PCDH11X: variants seen among roughly 807,000 people sequenced by gnomAD.
The protein encoded by PCDH11X is protocadherin-11 X-linked.
Under a neutral mutation model 53.3 loss-of-function variants are expected in PCDH11X, and 18 were observed. The ratio of observed to expected loss-of-function variants is 0.34; its 90% CI spans 0.23 to 0.50. PCDH11X has a LOEUF of 0.50. PCDH11X is among the 20% of genes least tolerant of loss of function. The pLI, the probability that PCDH11X is intolerant of heterozygous loss-of-function variation, is 0.98. For synonymous variants in PCDH11X, 279 were observed against 393.3 expected, an observed-to-expected ratio of 0.71 and a Z score of 3.44; for missense variants, 570 against 1,032.4, an observed-to-expected ratio of 0.55 and a Z score of 6.14.
intron 10 of PCDH11X, among the ~76,000 whole-genome samples, chrX:92,472,032 A>G (rs1186672774): frequency 1.8e-5 from 2 of 110,777 alleles, no homozygotes; most frequent in East Asian, 5.7e-4. Context: ...GAGTTTGCAA[A>G]AATTTTCTGT....
chrX:91,873,679 A>T (rs1310637935), intron 5 of PCDH11X, among the ~76,000 whole-genome samples: 1 of 111,558 alleles, frequency 9.0e-6, no homozygotes, highest in African/African-American at 3.2e-5. Flanking sequence ...ATAAACAAGA[A>T]ATGCACAAAC....
intron 6 of PCDH11X, among the ~76,000 whole-genome samples, chrX:92,180,475 G>C (rs1454184181): frequency 9.0e-6 from 1 of 111,221 alleles, no homozygotes; most frequent in African/African-American, 3.3e-5. Context: ...TCCTCAAACA[G>C]TTTATCTTCC....
chrX:91,998,559 G>GT (rs920919281), intron 6 of PCDH11X, among the ~76,000 whole-genome samples: 2 of 107,341 alleles, frequency 1.9e-5, no homozygotes, highest in African/African-American at 6.7e-5. Context: ...CATCTTTATT[G>GT]TTTTTTTATC....
intron 6 of PCDH11X, among the ~76,000 whole-genome samples, chrX:92,133,529 G>C (rs1177290342): frequency 9.0e-6 from 1 of 111,483 alleles, no homozygotes; most frequent in African/African-American, 3.3e-5. Flanking sequence ...ACCACGCCGG[G>C]CTAATTTTGT....
chrX:92,275,658 A>G (rs889956285), intron 8 of PCDH11X, among the ~76,000 whole-genome samples: 21 of 112,091 alleles, frequency 1.9e-4, no homozygotes, highest in Admixed American at 7.6e-4. Context: ...TTGATAAGGC[A>G]CAGATTCTGA....
At chrX:92,283,412 G>C (rs1603253672) in intron 8 of PCDH11X, among the ~76,000 whole-genome samples, 1 of 111,536 alleles carries the variant, frequency 9.0e-6, no homozygotes, top group South Asian at 3.7e-4. Context: ...AATTAAAGCA[G>C]AATGCACTGA....
At chrX:92,143,004 TG>T (rs1329488477) in intron 6 of PCDH11X, among the ~76,000 whole-genome samples, 2 of 111,148 alleles carry the variant, frequency 1.8e-5, no homozygotes, top group East Asian at 5.7e-4. Flanking sequence ...CAGCCAGGCA[TG>T]GTGGCTCACG....
intron 6 of PCDH11X, among the ~76,000 whole-genome samples, chrX:92,003,505 C>G (rs2062545886): frequency 9.4e-6 from 1 of 106,723 alleles, no homozygotes. Flanking sequence ...TCATGGGGTC[C>G]CAGGCTTTTT....
chrX:91,969,877 C>A (rs985727906), intron 6 of PCDH11X, among the ~76,000 whole-genome samples: 1 of 109,797 alleles, frequency 9.1e-6, no homozygotes, highest in Admixed American at 9.7e-5. Flanking sequence ...GTGGAGAGTG[C>A]GGCCTAGAAT....
intron 6 of PCDH11X, among the ~76,000 whole-genome samples, chrX:92,167,856 A>G (rs2065760057): frequency 9.0e-6 from 1 of 111,722 alleles, no homozygotes; most frequent in Non-Finnish European, 1.9e-5. Flanking sequence ...TACACATCCT[A>G]TGAGTCCTGA....
chrX:92,361,896 C>T (rs886562911), intron 8 of PCDH11X, among the ~76,000 whole-genome samples: 1 of 110,769 alleles, frequency 9.0e-6, no homozygotes, highest in Non-Finnish European at 1.9e-5. Flanking sequence ...TTCTTGTTAC[C>T]GTGTATAAGT....
intron 8 of PCDH11X, among the ~76,000 whole-genome samples, chrX:92,285,407 C>A (rs181582972): frequency 2.1e-4 from 23 of 109,548 alleles, no homozygotes; most frequent in African/African-American, 7.3e-4. Flanking sequence ...GCCCCCACCA[C>A]CATGCCCGGC....
chrX:91,822,023 C>T (rs761739628), intron 4 of PCDH11X, among the ~76,000 whole-genome samples: 3 of 105,775 alleles, frequency 2.8e-5, no homozygotes, highest in Middle Eastern at 4.9e-3. Flanking sequence ...AGGGATGAAG[C>T]CCACTTGATC....
At chrX:92,407,895 T>C (rs2071557737) in intron 9 of PCDH11X, among the ~76,000 whole-genome samples, 1 of 110,458 alleles carries the variant, frequency 9.1e-6, no homozygotes, top group South Asian at 3.9e-4. Flanking sequence ...TTTCTGTTTT[T>C]TGTTTTTTGA....
intron 9 of PCDH11X, among the ~76,000 whole-genome samples, chrX:92,412,509 GTATATATATA>G (rs748836273): frequency 0.13 from 8,302 of 64,301 alleles, 748 homozygotes; most frequent in African/African-American, 0.3. Flanking sequence ...AAAGAAAATA[GTATATATATA>G]TATATATATA....
chrX:92,222,296 A>C (rs2066896348), intron 7 of PCDH11X, among the ~76,000 whole-genome samples: 1 of 112,002 alleles, frequency 8.9e-6, no homozygotes, highest in African/African-American at 3.2e-5. Context: ...TTCACAGGTA[A>C]AAATGTCGGA....
intron 1 of PCDH11X, among the ~76,000 whole-genome samples, chrX:91,788,814 C>T (rs962802613): frequency 8.1e-5 from 9 of 111,729 alleles, no homozygotes; most frequent in African/African-American, 2.6e-4. Flanking sequence ...GATGATAGGG[C>T]CTGATTTTCT....
intron 4 of PCDH11X, among the ~76,000 whole-genome samples, chrX:91,821,446 G>T: frequency 9.0e-6 from 1 of 111,070 alleles, no homozygotes; most frequent in African/African-American, 3.3e-5. Flanking sequence ...TTGTGAATGG[G>T]AGTTCACTCA....
chrX:92,339,329 T>C (rs2069695804), intron 8 of PCDH11X, among the ~76,000 whole-genome samples: 1 of 112,251 alleles, frequency 8.9e-6, no homozygotes, highest in Non-Finnish European at 1.9e-5. Context: ...GAAGAAAATC[T>C]AGGAAATACC....
Sources: gnomAD v4.1 joint callset for allele counts (sites outside exome capture counted in the v4.1 genomes callset) on GRCh38, gnomAD v4.1.1 for gene constraint, MANE v1.5 for transcripts, NCBI Gene and HGNC (gene_info 2026-07-23, HGNC 2026-07-21) for gene names.